PTPRD: variants seen among roughly 807,000 people sequenced by gnomAD.
The protein encoded by PTPRD is receptor-type tyrosine-protein phosphatase delta.
PTPRD carries 34 observed loss-of-function variants against 214.5 expected under a neutral mutation model. The ratio of observed to expected loss-of-function variants is 0.16; its 90% CI spans 0.12 to 0.21. The LOEUF is 0.21. Among genes scored for constraint, PTPRD ranks in the 10% least tolerant of loss-of-function variants. The pLI, the probability that PTPRD is intolerant of heterozygous loss-of-function variation, is 1.00. For missense variants in PTPRD, 2,545 were observed against 2,398.7 expected (o/e 1.06, Z -1.27); for synonymous variants, 1,128 against 845.7 (o/e 1.33, Z -5.79).
intron 5 of PTPRD, among the ~76,000 whole-genome samples, chr9:9,785,196 C>A (rs1270855566): frequency 6.6e-6 from 1 of 151,698 alleles, no homozygotes; most frequent in East Asian, 1.9e-4. Flanking sequence ...TAGAAAGGAT[C>A]AGAAAAATAC....
intron 8 of PTPRD, among the ~76,000 whole-genome samples, chr9:9,446,490 T>A (rs2090449640): frequency 6.6e-6 from 1 of 152,200 alleles, no homozygotes; most frequent in African/African-American, 2.4e-5. Context: ...ACATTAGGAA[T>A]CAATGTGGCC....
At chr9:8,594,241 G>A (rs1594801126) in intron 14 of PTPRD, among the ~76,000 whole-genome samples, 1 of 151,918 alleles carries the variant, frequency 6.6e-6, no homozygotes, top group African/African-American at 2.4e-5. Flanking sequence ...CTACTCCAAA[G>A]TCTGCTGTTT....
rs561616165 is a variant in PTPRD at position 10,216,720 on chromosome 9, G to T, written c.-545+124243C>A. Among the ~76,000 whole-genome samples the T allele has an allele frequency of 1.5e-4, 23 of 152,078 alleles. 1 individual carries two copies. In the South Asian group the frequency reaches 4.8e-3, roughly 32 times the overall value. On this transcript the variant is annotated intron_variant, in intron 3 of 45. Coordinates refer to ENST00000381196, the MANE Select transcript of PTPRD (RefSeq NM_002839.4). ...TCTCTTGAATTTTTTGATAGTGTTG[G>T]AAGTATACGGAATAAATTCACTTCA...
At chr9:8,319,800 G>T (rs930801489) in intron 45 of PTPRD, 31 bp downstream of exon 45, 1 of 1,611,358 alleles carries the variant, frequency 6.2e-7, no homozygotes, top group South Asian at 1.1e-5. Flanking sequence ...GTAGGCTCTT[G>T]AGATGCGAAA....
chr9:9,823,965 A>T (rs377531118), intron 5 of PTPRD, among the ~76,000 whole-genome samples: 1 of 152,070 alleles, frequency 6.6e-6, no homozygotes, highest in Admixed American at 6.6e-5. Context: ...TTGTATCAAA[A>T]TATCACATGT....
chr9:9,773,463 C>T lies in PTPRD; in HGVS notation c.-367-6612G>A, dbSNP rs1158509866. Among the ~76,000 whole-genome samples the T allele has an allele frequency of 2.6e-5, 4 of 152,114 alleles. No homozygotes were observed. The East Asian group carries it at 7.7e-4, about 29-fold the overall frequency. On this transcript the variant is annotated intron_variant, in intron 5 of 45. Transcript: ENST00000381196. ...TGATGACATCCAATTAAAACTTCCC[C>T]TTTCTCATTTGGAGGATCAAAAGGT...
rs191664850 is a variant in PTPRD at position 9,719,671 on chromosome 9, C to T, written c.-287+14862G>A. ...CCCCTCACAGCTCGCTATGCTGCGGCGGTGAGGGGAGAAGGGCTGTAAACC... is the reference window on the plus strand; with the variant it reads ...CCCCTCACAGCTCGCTATGCTGCGGTGGTGAGGGGAGAAGGGCTGTAAACC... On this transcript the variant is annotated intron_variant, in intron 7 of 45. Transcript: ENST00000381196. 6.1e-3 allele frequency among the ~76,000 whole-genome samples: 927 copies of T among 152,314 alleles called. 3 individuals are homozygous for T. Among genetic ancestry groups the T allele is most frequent in the Non-Finnish European group, 0.01 (710 of 68,032 alleles).
rs112289903 is a variant in PTPRD at position 9,883,690 on chromosome 9, C to G, written c.-368+54817G>C. Among the ~76,000 whole-genome samples the G allele has an allele frequency of 3.3e-3, 507 of 152,258 alleles. 6 individuals carry two copies. Among genetic ancestry groups the G allele is most frequent in the African/African-American group, 0.012 (478 of 41,552 alleles). On this transcript the variant is annotated intron_variant, in intron 5 of 45. Coordinates refer to ENST00000381196, the MANE Select transcript of PTPRD (RefSeq NM_002839.4). ...ACATACAACCACTGCCTCACATGTA[C>G]TCTATCTAACCTCTTAGCCAGCTTT...
chr9:9,243,654 C>G (rs188544106), intron 9 of PTPRD, among the ~76,000 whole-genome samples: 21 of 152,066 alleles, frequency 1.4e-4, no homozygotes, highest in Admixed American at 6.6e-4. Flanking sequence ...ATAATAAGAG[C>G]TATTTATGAC....
intron 3 of PTPRD, among the ~76,000 whole-genome samples, chr9:10,102,080 T>C (rs2098556595): frequency 6.6e-6 from 1 of 151,808 alleles, no homozygotes; most frequent in Non-Finnish European, 1.5e-5. Context: ...TTACCCATTT[T>C]GTTTTAATAA....
intron 7 of PTPRD, among the ~76,000 whole-genome samples, chr9:9,648,793 T>A (rs1468243319): frequency 6.6e-6 from 1 of 152,222 alleles, no homozygotes; most frequent in Non-Finnish European, 1.5e-5. Flanking sequence ...TTTCTAAATT[T>A]GTAAACTTTT....
chr9:9,152,890 T>C (rs77060414), intron 10 of PTPRD, among the ~76,000 whole-genome samples: 1,684 of 152,312 alleles, frequency 0.011, 12 homozygotes, highest in Non-Finnish European at 0.019. Flanking sequence ...GGGGCACACA[T>C]TTACTTGTGA....
intron 2 of PTPRD, among the ~76,000 whole-genome samples, chr9:10,515,154 C>G (rs2133958411): frequency 6.6e-6 from 1 of 152,052 alleles, no homozygotes; most frequent in East Asian, 1.9e-4. Context: ...AGCCAGTTTC[C>G]CATACCAACT....
At chr9:8,423,048 G>A (rs577219447) in intron 35 of PTPRD, among the ~76,000 whole-genome samples, 4 of 152,180 alleles carry the variant, frequency 2.6e-5, no homozygotes, top group African/African-American at 9.6e-5. Flanking sequence ...TGGGAGTAGG[G>A]GAAACACAGC....
In PTPRD at chr9:10,498,713, C is replaced by G. The variant is rs1033124913; in HGVS notation, c.-600+113685G>C. ...TAGCAATTAAGGTAAAATTTTCACACCAATAAACTTATAAGAAAAAAAGAC... is the reference window on the plus strand; with the variant it reads ...TAGCAATTAAGGTAAAATTTTCACAGCAATAAACTTATAAGAAAAAAAGAC... On this transcript the variant is annotated intron_variant, in intron 2 of 45. Transcript: ENST00000381196. Among the ~76,000 whole-genome samples, 5 of 151,886 alleles carry G rather than the reference C, an allele frequency of 3.3e-5. No individual in the cohort carries two copies. In the East Asian group the frequency reaches 9.7e-4, roughly 29 times the overall value.
At chr9:10,275,132 C>T (rs768781381) in intron 3 of PTPRD, among the ~76,000 whole-genome samples, 1 of 152,166 alleles carries the variant, frequency 6.6e-6, no homozygotes, top group Non-Finnish European at 1.5e-5. Flanking sequence ...TCTAAAAGGA[C>T]ACTGTATTAC....
intron 9 of PTPRD, among the ~76,000 whole-genome samples, chr9:9,284,237 G>C (rs964096442): frequency 1.3e-5 from 2 of 151,670 alleles, no homozygotes; most frequent in African/African-American, 4.8e-5. Flanking sequence ...CACTTGACCT[G>C]TAGGTTCAGC....
intron 5 of PTPRD, among the ~76,000 whole-genome samples, chr9:9,839,215 G>A (rs1231724491): frequency 6.6e-6 from 1 of 152,102 alleles, no homozygotes; most frequent in Admixed American, 6.6e-5. Context: ...AATTAGGCAG[G>A]AGAAGGAAAT....
intron 9 of PTPRD, among the ~76,000 whole-genome samples, chr9:9,333,495 T>A (rs975067075): frequency 8.7e-6 from 1 of 114,910 alleles, no homozygotes; most frequent in African/African-American, 3.8e-5. Context: ...ATATATATTA[T>A]ATAGTATATT....
Sources: gnomAD v4.1 joint callset for allele counts (sites outside exome capture counted in the v4.1 genomes callset) on GRCh38, gnomAD v4.1.1 for gene constraint, MANE v1.5 for transcripts, NCBI Gene and HGNC (gene_info 2026-07-23, HGNC 2026-07-21) for gene names.